DCAF16: variants seen among roughly 807,000 people sequenced by gnomAD.
DCAF16 encodes the protein DDB1- and CUL4-associated factor 16.
Under a neutral mutation model 17.3 loss-of-function variants are expected in DCAF16, and 10 were observed. The ratio of observed to expected loss-of-function variants is 0.58; its 90% CI spans 0.36 to 0.98. The LOEUF (loss-of-function observed/expected upper bound fraction) is 0.98, where lower values mean the gene tolerates loss of function less well. Among genes scored for constraint, DCAF16 ranks in the 50% least tolerant of loss-of-function variants. DCAF16 has a pLI of 0.01. For synonymous variants in DCAF16, 111 were observed against 92.8 expected (o/e 1.20, Z -1.12); for missense variants, 249 against 247.6 (o/e 1.01, Z -0.04).
At chr4:17,805,043 T>C (rs937423083) in intron 2 of DCAF16, 64 bp downstream of exon 2, 3 of 151,960 alleles carry the variant, frequency 2.0e-5, no homozygotes, top group Non-Finnish European at 4.4e-5. Flanking sequence ...TTGCAAAAGC[T>C]GATCCCTTAT....
downstream of DCAF16, among the ~76,000 whole-genome samples, chr4:17,796,613 A>G (rs960870926): frequency 3.3e-5 from 5 of 152,208 alleles, no homozygotes; most frequent in Admixed American, 2.0e-4. Context: ...AGGCCAAGGC[A>G]GGGAAATTGC....
rs1719887120 is a variant in DCAF16 at position 17,802,538 on chromosome 4, T to TA, written c.*952dup. The TA allele has an allele frequency of 6.6e-6, 1 of 151,352 alleles. No homozygotes were observed. Among genetic ancestry groups the TA allele is most frequent in the African/African-American group, 2.4e-5 (1 of 41,096 alleles). The allele number at this position is 151,352 out of a possible 1,614,324, so 9.4% of individuals were successfully genotyped here. On this transcript the variant is annotated 3_prime_UTR_variant, in exon 3 of 3. Transcript: ENST00000382247. Reference sequence around the variant, plus strand: ...AAAAAAGAAAAAGTGAAAGGAACTCTAAAGAGTGTCATATGCAGGCACATC... The same window carrying TA: ...AAAAAAGAAAAAGTGAAAGGAACTCTAAAAGAGTGTCATATGCAGGCACATC...
At chr4:17,810,031 T>G (rs78212195) in intron 1 of DCAF16, among the ~76,000 whole-genome samples, 17,887 of 152,140 alleles carry the variant, frequency 0.12, 1,175 homozygotes, top group South Asian at 0.24. Context: ...GCGACTCCTG[T>G]GTCTGCATTT....
intron 1 of DCAF16, among the ~76,000 whole-genome samples, chr4:17,806,306 T>C (rs1720317449): frequency 2.0e-5 from 3 of 152,202 alleles, no homozygotes; most frequent in Admixed American, 2.0e-4. Flanking sequence ...CCCTAAAAGT[T>C]GGTACTTTTA....
downstream of DCAF16, among the ~76,000 whole-genome samples, chr4:17,796,578 G>A (rs1337126017): frequency 2.0e-5 from 3 of 152,040 alleles, no homozygotes; most frequent in East Asian, 1.9e-4. Context: ...ATGGTGGTGC[G>A]CACCTGTAGT....
the DCAF16 span, among the ~76,000 whole-genome samples, chr4:17,795,261 C>T: frequency 6.6e-6 from 1 of 152,258 alleles, no homozygotes; most frequent in Admixed American, 6.5e-5. Flanking sequence ...AAAACGTATC[C>T]TTTTTATGTA....
downstream of DCAF16, among the ~76,000 whole-genome samples, chr4:17,798,982 C>T (rs114197104): frequency 4.9e-3 from 750 of 152,294 alleles, 4 homozygotes; most frequent in Non-Finnish European, 8.5e-3. Context: ...CGGACAGATA[C>T]GTTACCAGCT....
At chr4:17,809,153 T>A (rs568208304) in intron 1 of DCAF16, among the ~76,000 whole-genome samples, 1 of 152,296 alleles carries the variant, frequency 6.6e-6, no homozygotes. Context: ...AGCAGGAGAA[T>A]GGATAAGGTA....
At chr4:17,807,848 A>G (rs1022415903) in intron 1 of DCAF16, among the ~76,000 whole-genome samples, 8 of 152,218 alleles carry the variant, frequency 5.3e-5, no homozygotes, top group Non-Finnish European at 1.0e-4. Context: ...TCATTATCGA[A>G]TACACTGAGT....
downstream of DCAF16, among the ~76,000 whole-genome samples, chr4:17,798,441 C>T (rs772692763): frequency 1.2e-4 from 17 of 147,810 alleles, no homozygotes; most frequent in Non-Finnish European, 1.8e-4. Flanking sequence ...CAAAGAAATA[C>T]AAAAATTGGC....
intron 1 of DCAF16, among the ~76,000 whole-genome samples, chr4:17,807,882 T>C (rs1447689880): frequency 6.6e-6 from 1 of 152,364 alleles, no homozygotes; most frequent in Non-Finnish European, 1.5e-5. Flanking sequence ...TCATATGGTA[T>C]GGCTTCAGGT....
At chr4:17,795,806 C>A (rs1719401460), downstream of DCAF16, among the ~76,000 whole-genome samples, 1 of 152,154 alleles carries the variant, frequency 6.6e-6, no homozygotes, top group Non-Finnish European at 1.5e-5. Context: ...TACAGTGATT[C>A]CAAGTGACTG....
intron 1 of DCAF16, among the ~76,000 whole-genome samples, chr4:17,808,092 C>T (rs1230652447): frequency 6.6e-6 from 1 of 152,050 alleles, no homozygotes; most frequent in Non-Finnish European, 1.5e-5. Context: ...TAATGTTAGA[C>T]AAAGACAAAT....
At chr4:17,806,750 G>A (rs1720364486) in intron 1 of DCAF16, among the ~76,000 whole-genome samples, 1 of 152,062 alleles carries the variant, frequency 6.6e-6, no homozygotes, top group African/African-American at 2.4e-5. Context: ...AAACAGTAAG[G>A]GAGTTCCTAT....
In DCAF16 at chr4:17,810,113, C is replaced by T. The variant is rs181934264; in HGVS notation, c.-750+334G>A. ...TGGCATATTTTGGTCTCCTACAGTCCTATTTTTGGATGGTGCATCCTGAGA... is the reference window on the plus strand; with the variant it reads ...TGGCATATTTTGGTCTCCTACAGTCTTATTTTTGGATGGTGCATCCTGAGA... On this transcript the variant is annotated intron_variant, in intron 1 of 2. Transcript: ENST00000382247. Among the ~76,000 whole-genome samples the T allele has an allele frequency of 2.0e-3, 299 of 152,170 alleles. 1 individual carries two copies. The highest frequency in any genetic ancestry group is 6.8e-3 in the Middle Eastern group (2 of 294).
the DCAF16 span, among the ~76,000 whole-genome samples, chr4:17,795,159 G>A: frequency 1.4e-4 from 22 of 152,272 alleles, no homozygotes; most frequent in South Asian, 6.2e-4. Context: ...AAAATTCTGC[G>A]TTGGAAATCA....
chr4:17,804,814 A>T (rs1197990772), intron 2 of DCAF16, 43 bp from the exon 3 acceptor site: 1 of 167,154 alleles, frequency 6.0e-6, no homozygotes, highest in Non-Finnish European at 1.5e-5. Context: ...GGATAACATT[A>T]TTGCCTACCT....
At position 17,802,782 on chromosome 4, in the gene DCAF16, G is replaced by A. The variant is rs1719913003; in HGVS notation, c.*709C>T. The A allele has an allele frequency of 6.6e-6, 1 of 152,158 alleles. No individual in the cohort carries two copies. The highest frequency in any genetic ancestry group is 1.5e-5 in the Non-Finnish European group (1 of 68,044). 9.4% of individuals were successfully genotyped at this position (152,158 alleles called of 1,614,324 possible). ...TCAATTTAATTCAACTACTTCCACAGAAATGTATGTTAGAGAAGAGTATGC... is the reference window on the plus strand; with the variant it reads ...TCAATTTAATTCAACTACTTCCACAAAAATGTATGTTAGAGAAGAGTATGC... On this transcript the variant is annotated 3_prime_UTR_variant, in exon 3 of 3. Transcript: ENST00000382247.
At chr4:17,796,154 A>G (rs1719416487), downstream of DCAF16, among the ~76,000 whole-genome samples, 1 of 152,170 alleles carries the variant, frequency 6.6e-6, no homozygotes, top group African/African-American at 2.4e-5. Context: ...CTGCCTACAA[A>G]AGAAGAGCAA....
Sources: gnomAD v4.1 joint callset for allele counts (sites outside exome capture counted in the v4.1 genomes callset) on GRCh38, gnomAD v4.1.1 for gene constraint, MANE v1.5 for transcripts, NCBI Gene and HGNC (gene_info 2026-07-23, HGNC 2026-07-21) for gene names.